Variants in BMPER observed in about 807,000 individuals in gnomAD.
BMPER encodes BMP-binding endothelial regulator protein.
BMPER carries 45 observed loss-of-function variants against 87.3 expected under a neutral mutation model. The observed-to-expected ratio is 0.52, with a 90% CI of 0.41 to 0.66. The LOEUF is 0.66. BMPER is among the 30% of genes least tolerant of loss of function. The probability of loss-of-function intolerance (pLI) is 0.00; values close to 1 mark genes in which losing one functional copy is unlikely to be tolerated. For synonymous variants in BMPER, 326 were observed against 316.2 expected (o/e 1.03, Z -0.33); for missense variants, 784 against 867.5 (o/e 0.90, Z 1.21).
At chr7:33,926,367 T>C (rs1784362393) in intron 2 of BMPER, among the ~76,000 whole-genome samples, 2 of 152,206 alleles carry the variant, frequency 1.3e-5, no homozygotes, top group East Asian at 3.8e-4. Flanking sequence ...AGCCGTTTTG[T>C]GATGGAACCC....
rs533741764 is a variant in BMPER at position 34,062,223 on chromosome 7, A to G, written c.1078+176A>G. ...TCAATTGTAATTCTCCCACAGAAGT[A>G]CAATGGAGACAAATATAGATACTTC... On this transcript the variant is annotated intron_variant, in intron 11 of 14. Coordinates refer to ENST00000649409, the MANE Select transcript of BMPER (RefSeq NM_001365308.1). Among the ~76,000 whole-genome samples, 15 of 152,348 alleles carry G rather than the reference A, an allele frequency of 9.8e-5. No homozygotes were observed. The East Asian group carries it at 2.9e-3, about 29-fold the overall frequency.
chr7:33,955,335 A>G (rs1266316969), intron 3 of BMPER, among the ~76,000 whole-genome samples: 1 of 152,214 alleles, frequency 6.6e-6, no homozygotes, highest in Non-Finnish European at 1.5e-5. Flanking sequence ...ACAGACTTCC[A>G]GAAGACTCTG....
At position 34,153,454 on chromosome 7, in the gene BMPER, G is replaced by A. The variant is rs1174358180; in HGVS notation, c.*181G>A. The A allele has an allele frequency of 4.7e-6, 3 of 643,582 alleles. No homozygotes were observed. Among genetic ancestry groups the A allele is most frequent in the South Asian group, 2.1e-5 (1 of 48,338 alleles). The allele number at this position is 643,582 out of a possible 1,614,324, so 39.9% of individuals were successfully genotyped here. On this transcript the variant is annotated 3_prime_UTR_variant, in exon 15 of 15. Coordinates refer to ENST00000649409, the MANE Select transcript of BMPER (RefSeq NM_001365308.1). ...GCATCATTTATATGAACTATAGGGG[G>A]ATTATTATATGTATATTTTTTGCTA...
intron 6 of BMPER, among the ~76,000 whole-genome samples, chr7:34,026,273 G>A (rs1474166721): frequency 6.6e-6 from 1 of 152,014 alleles, no homozygotes; most frequent in Non-Finnish European, 1.5e-5. Flanking sequence ...TCAGGGGGAT[G>A]AGGCAAAAGG....
rs188608172 is a variant in BMPER at position 33,941,782 on chromosome 7, T to C, written c.319+4394T>C. 5.9e-5 allele frequency among the ~76,000 whole-genome samples: 9 copies of C among 152,332 alleles called. No individual in the cohort carries two copies. The East Asian group carries it at 1.5e-3, about 26-fold the overall frequency. On this transcript the variant is annotated intron_variant, in intron 3 of 14. Transcript: ENST00000649409. ...TTTGCCCACCTCTCACCTCCTGATA[T>C]GTGGCTCAGTTCCTTACAAGGTACA...
At chr7:34,023,069 C>T (rs974958474) in intron 6 of BMPER, among the ~76,000 whole-genome samples, 3 of 152,052 alleles carry the variant, frequency 2.0e-5, no homozygotes, top group African/African-American at 7.2e-5. Context: ...CGAGAAACAT[C>T]TTCTCATGAA....
intron 2 of BMPER, among the ~76,000 whole-genome samples, chr7:33,928,852 T>G (rs931030954): frequency 6.6e-6 from 1 of 152,094 alleles, no homozygotes; most frequent in Non-Finnish European, 1.5e-5. Context: ...CATTTAGTGA[T>G]GTATTAGGGC....
chr7:34,002,126 G>A (rs1477989012), intron 6 of BMPER, among the ~76,000 whole-genome samples: 1 of 151,736 alleles, frequency 6.6e-6, no homozygotes, highest in East Asian at 1.9e-4. Context: ...TGAGAAGAGT[G>A]TGTATTTTGT....
At chr7:33,967,112 A>G (rs766869064) in intron 4 of BMPER, among the ~76,000 whole-genome samples, 1 of 152,238 alleles carries the variant, frequency 6.6e-6, no homozygotes, top group Non-Finnish European at 1.5e-5. Flanking sequence ...GTGATTCCAC[A>G]TGGCTCTAAC....
chr7:34,086,082 A>G lies in BMPER; in HGVS notation c.1735A>G (p.Thr579Ala). Reference protein sequence around the residue: ...QTCHSTVDYATFYRSCVTDMC... With the variant: ...QTCHSTVDYAAFYRSCVTDMC... ...CTGCCACTCGACTGTGGACTACGCC[A>G]CTTTCTACCGGTAAGTACAGTGTTC... The change falls in exon 13 of 15, where the codon ACT becomes GCT. Residue 579 changes from threonine (T) to alanine (A), a missense_variant. Physicochemically the swap from Thr to Ala is moderately conservative, Grantham distance 58. Transcript: ENST00000649409. 3 of 1,613,874 alleles carry G rather than the reference A, an allele frequency of 1.9e-6. No individual in the cohort carries two copies. The highest frequency in any genetic ancestry group is 1.7e-5 in the Admixed American group (1 of 60,014).
intron 13 of BMPER, among the ~76,000 whole-genome samples, chr7:34,118,198 A>G (rs570304196): frequency 3.3e-5 from 5 of 152,136 alleles, no homozygotes; most frequent in Admixed American, 3.3e-4. Flanking sequence ...CCAGCTACTC[A>G]GGAGGCTAAG....
chr7:34,056,271 G>A (rs1435061330), intron 9 of BMPER, among the ~76,000 whole-genome samples: 1 of 152,156 alleles, frequency 6.6e-6, no homozygotes, highest in Non-Finnish European at 1.5e-5. Flanking sequence ...GTATTAGAAA[G>A]GATGGCTAAT....
chr7:34,010,481 A>G (rs1786848687), intron 6 of BMPER, among the ~76,000 whole-genome samples: 1 of 151,922 alleles, frequency 6.6e-6, no homozygotes, highest in South Asian at 2.1e-4. Flanking sequence ...ATTCACCCTA[A>G]TTATATGCAA....
chr7:33,963,845 A>G (rs868775447), intron 3 of BMPER, among the ~76,000 whole-genome samples: 8 of 152,152 alleles, frequency 5.3e-5, no homozygotes, highest in Non-Finnish European at 8.8e-5. Context: ...CTCTCACTAC[A>G]GGGAGTTTGG....
intron 2 of BMPER, among the ~76,000 whole-genome samples, chr7:33,914,272 C>A (rs1784038786): frequency 6.6e-6 from 1 of 152,160 alleles, no homozygotes; most frequent in Admixed American, 6.5e-5. Context: ...GCCTTCAGCA[C>A]AATTTTTATA....
chr7:34,120,377 A>G (rs901454385), intron 13 of BMPER, among the ~76,000 whole-genome samples: 1 of 147,818 alleles, frequency 6.8e-6, no homozygotes, highest in Admixed American at 7.0e-5. Flanking sequence ...TACAATGATG[A>G]TTATTTTGAG....
At chr7:33,967,754 C>A (rs1785439456) in intron 4 of BMPER, among the ~76,000 whole-genome samples, 1 of 152,158 alleles carries the variant, frequency 6.6e-6, no homozygotes, top group African/African-American at 2.4e-5. Context: ...TGCCTCTTGA[C>A]CAGCAAAATT....
At chr7:33,973,516 A>G (rs1373457580) in intron 5 of BMPER, among the ~76,000 whole-genome samples, 1 of 152,248 alleles carries the variant, frequency 6.6e-6, no homozygotes, top group Non-Finnish European at 1.5e-5. Context: ...TCCATTTAAC[A>G]AAGGGCTCTG....
chr7:34,114,518 T>C (rs1401478800), intron 13 of BMPER, among the ~76,000 whole-genome samples: 2 of 152,226 alleles, frequency 1.3e-5, no homozygotes, highest in Admixed American at 1.3e-4. Flanking sequence ...GCATTGGAGA[T>C]GCATGTGCAA....
Sources: gnomAD v4.1 joint callset for allele counts (sites outside exome capture counted in the v4.1 genomes callset) on GRCh38, gnomAD v4.1.1 for gene constraint, MANE v1.5 for transcripts, NCBI Gene and HGNC (gene_info 2026-07-23, HGNC 2026-07-21) for gene names.